The following LRRC27 variants were observed in gnomAD, a reference collection of about 807,000 sequenced individuals.
The protein encoded by LRRC27 is leucine-rich repeat-containing protein 27.
A neutral mutation model predicts 55.0 loss-of-function variants in LRRC27; 57 were observed. That is an observed-to-expected ratio of 1.04 (90% CI 0.84 to 1.29). The LOEUF is 1.29. LRRC27 is among the 50% of genes most tolerant of loss of function. LRRC27 has a pLI of 0.00. For synonymous variants in LRRC27, 278 were observed against 251.9 expected (o/e 1.10, Z -0.98); for missense variants, 721 against 651.5 (o/e 1.11, Z -1.16).
intron 3 of LRRC27, among the ~76,000 whole-genome samples, chr10:132,338,710 C>CTTTTT (rs928264937): frequency 2.9e-5 from 4 of 140,004 alleles, no homozygotes; most frequent in African/African-American, 5.2e-5. Flanking sequence ...TTCTTTCTTT[C>CTTTTT]TTTTTTTTTT....
rs113730069 is a variant in LRRC27 at position 132,372,119 on chromosome 10, C to T, written c.1417-2947C>T. ...CCAAAGAAGGATGGGAAGTGGGGGTCGGGGTGCGGTGGCTCACGCCTGCAA... is the reference window on the plus strand; with the variant it reads ...CCAAAGAAGGATGGGAAGTGGGGGTTGGGGTGCGGTGGCTCACGCCTGCAA... On this transcript the variant is annotated intron_variant, in intron 10 of 10. Transcript: ENST00000368614. This position sits in a 1 kb window ranked among gnomAD's most constrained non-coding sequence, Gnocchi z 4.0. Among the ~76,000 whole-genome samples, 1,044 of 151,654 alleles carry T rather than the reference C, an allele frequency of 6.9e-3. 9 individuals are homozygous for T. The highest frequency in any genetic ancestry group is 0.023 in the African/African-American group (966 of 41,270).
At position 132,374,982 on chromosome 10, in the gene LRRC27, C is replaced by T; in HGVS notation, c.1417-84C>T. 7.0e-7 allele frequency: 1 copy of T among 1,418,822 alleles called. No homozygotes were observed. The highest frequency in any genetic ancestry group is 9.6e-7 in the Non-Finnish European group (1 of 1,038,138). The allele number at this position is 1,418,822 out of a possible 1,614,324, so 87.9% of individuals were successfully genotyped here. On this transcript the variant is annotated intron_variant, in intron 10 of 10. Transcript: ENST00000368614. This position sits in a 1 kb window ranked among gnomAD's most constrained non-coding sequence, Gnocchi z 4.4. ...GCTGACGCCCACATGGCCTGGGCCC[C>T]ACGTGGAATCTGAGCCAGAGACGTG...
At chr10:132,334,174 G>A (rs1382570191) in intron 2 of LRRC27, among the ~76,000 whole-genome samples, 1 of 152,226 alleles carries the variant, frequency 6.6e-6, no homozygotes, top group East Asian at 1.9e-4. Flanking sequence ...AGTAGATGCT[G>A]TCTTGTCCAT....
chr10:132,359,704 A>G (rs1422111072), intron 8 of LRRC27, among the ~76,000 whole-genome samples: 2 of 152,268 alleles, frequency 1.3e-5, no homozygotes, highest in African/African-American at 4.8e-5. Flanking sequence ...AAAGGGCTGC[A>G]GAGCTAAAGC....
At chr10:132,369,759 T>C (rs1236204416) in intron 10 of LRRC27, among the ~76,000 whole-genome samples, 1 of 152,062 alleles carries the variant, frequency 6.6e-6, no homozygotes, top group Non-Finnish European at 1.5e-5. Context: ...CACTCCAGTG[T>C]GGGATGAAGG....
chr10:132,375,031 CT>C, intron 10 of LRRC27, 34 bp from the exon 11 acceptor site: 1 of 1,587,030 alleles, frequency 6.3e-7, no homozygotes, highest in Admixed American at 1.7e-5. Flanking sequence ...TCCTGCCAGC[CT>C]TTCTAACATC....
chr10:132,332,803 G>C (rs1244457751), intron 1 of LRRC27, among the ~76,000 whole-genome samples: 1 of 152,076 alleles, frequency 6.6e-6, no homozygotes, highest in East Asian at 1.9e-4. Flanking sequence ...TTGGGCTGTT[G>C]AGTGACTTGA....
intron 8 of LRRC27, among the ~76,000 whole-genome samples, chr10:132,356,349 A>G (rs1181960080): frequency 2.0e-5 from 3 of 152,216 alleles, no homozygotes; most frequent in Non-Finnish European, 4.4e-5. Context: ...GTTTCCCTGG[A>G]AGCCAAGATT....
intron 7 of LRRC27, among the ~76,000 whole-genome samples, chr10:132,354,974 G>C (rs1200827377): frequency 6.6e-6 from 1 of 152,236 alleles, no homozygotes; most frequent in Non-Finnish European, 1.5e-5. Context: ...CCGCAGATGT[G>C]GGCGTTACTC....
rs1320655391 is a variant in LRRC27, at chr10:132,378,984, TC to T, written c.*3744del. ...AGGGAGTGCGTGGTCTTGGATGCCA[TC>T]CTGCTCATCTCCAGCATTTCCTCTC... On this transcript the variant is annotated 3_prime_UTR_variant, in exon 11 of 11. Coordinates refer to ENST00000368614, the MANE Select transcript of LRRC27 (RefSeq NM_030626.3). 1 of 150,920 alleles carries T rather than the reference TC, an allele frequency of 6.6e-6. No homozygotes were observed. The allele number at this position is 150,920 out of a possible 1,614,324, so 9.3% of individuals were successfully genotyped here. A position where few individuals can be genotyped will look rare whatever the true frequency, so the allele number is the denominator to read the frequency against.
intron 10 of LRRC27, among the ~76,000 whole-genome samples, chr10:132,371,124 G>A (rs189134251): frequency 7.2e-5 from 11 of 152,370 alleles, no homozygotes; most frequent in African/African-American, 1.9e-4. Flanking sequence ...TCATTCTCCC[G>A]GCTTCTTCCC....
chr10:132,364,406 TCC>T (rs1564853179), intron 9 of LRRC27, among the ~76,000 whole-genome samples: 1 of 33,340 alleles, frequency 3.0e-5, no homozygotes, highest in African/African-American at 8.9e-5. Context: ...TACATCTACC[TCC>T]ACACCCGCGC....
intron 2 of LRRC27, among the ~76,000 whole-genome samples, chr10:132,334,717 C>G (rs183059674): frequency 6.6e-6 from 1 of 152,310 alleles, no homozygotes. Flanking sequence ...CCTGCCTTGT[C>G]CTGGCTCCTG....
chr10:132,368,412 C>T (rs1335924418), intron 10 of LRRC27, among the ~76,000 whole-genome samples: 2 of 152,090 alleles, frequency 1.3e-5, no homozygotes, highest in East Asian at 1.9e-4. Context: ...GGACTGACAC[C>T]CCCCAACTTG....
chr10:132,375,395 G>C lies in LRRC27; in HGVS notation c.*153G>C. ...GCAGCCTGTTGTTTTCCTTAGACAG[G>C]TCCACGTCCCTCTCCTGAGGCTGTG... On this transcript the variant is annotated 3_prime_UTR_variant, in exon 11 of 11. Transcript: ENST00000368614. 1.6e-6 allele frequency: 1 copy of C among 628,432 alleles called. No individual in the cohort carries two copies. Among genetic ancestry groups the C allele is most frequent in the Non-Finnish European group, 2.7e-6 (1 of 371,780 alleles). The allele number at this position is 628,432 out of a possible 1,614,324, so 38.9% of individuals were successfully genotyped here. A position where few individuals can be genotyped will look rare whatever the true frequency, so the allele number is the denominator to read the frequency against.
At chr10:132,364,592 T>C (rs1201499062) in intron 9 of LRRC27, among the ~76,000 whole-genome samples, 1 of 23,040 alleles carries the variant, frequency 4.3e-5, no homozygotes, top group African/African-American at 1.5e-4. Flanking sequence ...GGCCCCACAC[T>C]CAGGCAGTCC....
rs950412381 is a variant in LRRC27, at chr10:132,378,362, G to A, written c.*3120G>A. 1.3e-5 allele frequency: 2 copies of A among 151,026 alleles called. No homozygotes were observed. The highest frequency in any genetic ancestry group is 2.9e-5 in the Non-Finnish European group (2 of 67,816). The allele number at this position is 151,026 out of a possible 1,614,324, so 9.4% of individuals were successfully genotyped here. A position where few individuals can be genotyped will look rare whatever the true frequency, so the allele number is the denominator to read the frequency against. The stretch of plus-strand genomic sequence containing the variant: ...ATACAGAACTCAAATCTGGGAGTTA[G>A]CATCTTTCATCAGTTTTGGAAAATT... On this transcript the variant is annotated 3_prime_UTR_variant, in exon 11 of 11. Coordinates refer to ENST00000368614, the MANE Select transcript of LRRC27 (RefSeq NM_030626.3).
chr10:132,366,891 A>G, intron 10 of LRRC27: 1 of 1,286,184 alleles, frequency 7.8e-7, no homozygotes, highest in South Asian at 1.2e-5. Flanking sequence ...ATGTGGAGCC[A>G]CTTCATGGAG....
chr10:132,365,570 G>C lies in LRRC27; in HGVS notation c.1416+20G>C. ...GAAATTGTAAGGATTTCTTGGTTCT[G>C]TTTAAAAAAGTGTGGGGTGTTTTTT... On this transcript the variant is annotated intron_variant, in intron 10 of 10. Coordinates refer to ENST00000368614, the MANE Select transcript of LRRC27 (RefSeq NM_030626.3). 3.1e-6 allele frequency: 5 copies of C among 1,607,910 alleles called. No homozygotes were observed. The highest frequency in any genetic ancestry group is 4.2e-6 in the Non-Finnish European group (5 of 1,178,352).
Sources: allele counts gnomAD v4.1 joint callset (sites outside exome capture counted in the v4.1 genomes callset), GRCh38; gene constraint gnomAD v4.1.1; non-coding constraint Gnocchi (gnomAD v3.1); transcripts MANE v1.5; gene names NCBI Gene and HGNC (gene_info 2026-07-23, HGNC 2026-07-21).